The following ACYP2 variants were observed in gnomAD, a reference collection of about 807,000 sequenced individuals.
The protein encoded by ACYP2 is acylphosphatase-2.
Under a neutral mutation model 11.2 loss-of-function variants are expected in ACYP2, and 12 were observed. The observed-to-expected ratio is 1.08, with a 90% CI of 0.69 to 1.74. The LOEUF is 1.74. Among genes scored for constraint, ACYP2 ranks in the 40% most tolerant of loss-of-function variants. The pLI, the probability that ACYP2 is intolerant of heterozygous loss-of-function variation, is 0.00. For missense variants in ACYP2, 134 were observed against 101.9 expected (o/e 1.31, Z -1.35); for synonymous variants, 43 against 32.2 (o/e 1.33, Z -1.13).
chr2:53,980,488 C>T (rs1279178857), intron 2 of ACYP2, among the ~76,000 whole-genome samples: 1 of 151,946 alleles, frequency 6.6e-6, no homozygotes, highest in Non-Finnish European at 1.5e-5. Flanking sequence ...GAGGCCAAGG[C>T]AAGAGGATTG....
intron 6 of ACYP2, among the ~76,000 whole-genome samples, chr2:54,272,857 T>TAGAATA (rs1380745405): frequency 2.6e-5 from 4 of 152,256 alleles, no homozygotes; most frequent in African/African-American, 9.6e-5. Flanking sequence ...CTTTCAATGA[T>TAGAATA]AGAATACAAA....
intron 6 of ACYP2, among the ~76,000 whole-genome samples, chr2:54,169,640 C>T (rs538312388): frequency 1.3e-5 from 2 of 152,132 alleles, no homozygotes; most frequent in Non-Finnish European, 2.9e-5. Context: ...CTCTAGACAA[C>T]ATTTTTGACA....
chr2:54,125,609 A>T (rs556621850), intron 4 of ACYP2, among the ~76,000 whole-genome samples: 2 of 151,714 alleles, frequency 1.3e-5, no homozygotes, highest in East Asian at 1.9e-4. Flanking sequence ...ACTTAGCTGG[A>T]GATGGTGGCA....
At chr2:54,167,526 T>C (rs1300976381) in intron 6 of ACYP2, among the ~76,000 whole-genome samples, 5 of 152,250 alleles carry the variant, frequency 3.3e-5, no homozygotes, top group South Asian at 2.1e-4. Context: ...ACAAATGTTA[T>C]ATAGATACAG....
intron 6 of ACYP2, among the ~76,000 whole-genome samples, chr2:54,267,102 G>A (rs1688068014): frequency 6.6e-6 from 1 of 152,154 alleles, no homozygotes; most frequent in African/African-American, 2.4e-5. Context: ...GGAGTTGAGT[G>A]GGGAGAGGCA....
intron 6 of ACYP2, chr2:54,253,843 C>A (rs1198682542): frequency 6.6e-6 from 1 of 152,246 alleles, no homozygotes; most frequent in Non-Finnish European, 1.5e-5. Context: ...AATAAGAGGT[C>A]TGGCAGTCTA....
At chr2:54,089,914 G>A (rs1028236818) in intron 4 of ACYP2, among the ~76,000 whole-genome samples, 25 of 152,054 alleles carry the variant, frequency 1.6e-4, no homozygotes, top group Middle Eastern at 3.2e-3. Flanking sequence ...GGGAGGCCGA[G>A]GCAGGCAGAT....
rs535655575 is a variant in ACYP2, at chr2:54,274,856, G to A, written c.405-29832G>A. ...CAGCCATGCACGGTTTCTCCAACATGGATACAAAGCAGAATGATGTAATAG... is the reference window on the plus strand; with the variant it reads ...CAGCCATGCACGGTTTCTCCAACATAGATACAAAGCAGAATGATGTAATAG... On this transcript the variant is annotated intron_variant, in intron 6 of 6. Transcript: ENST00000607452. Among the ~76,000 whole-genome samples, 52 of 152,208 alleles carry A rather than the reference G, an allele frequency of 3.4e-4. 1 individual carries two copies. The highest frequency in any genetic ancestry group is 1.1e-3 in the African/African-American group (45 of 41,550).
At chr2:54,261,005 A>C (rs1365991210) in intron 6 of ACYP2, among the ~76,000 whole-genome samples, 1 of 152,210 alleles carries the variant, frequency 6.6e-6, no homozygotes, top group Non-Finnish European at 1.5e-5. Flanking sequence ...GTATATCACC[A>C]CTACCTTTCG....
intron 2 of ACYP2, among the ~76,000 whole-genome samples, chr2:54,001,411 G>C (rs773915256): frequency 6.6e-6 from 1 of 152,044 alleles, no homozygotes; most frequent in Non-Finnish European, 1.5e-5. Flanking sequence ...TTTTATTTTT[G>C]AGATGGAGTT....
chr2:54,234,159 G>T (rs542434685), intron 6 of ACYP2, among the ~76,000 whole-genome samples: 1 of 152,194 alleles, frequency 6.6e-6, no homozygotes, highest in Non-Finnish European at 1.5e-5. Context: ...TATTGTCATG[G>T]TGGAGAAGGA....
chr2:54,123,540 C>T lies in ACYP2; in HGVS notation c.278-11913C>T, dbSNP rs1295374877. 7.3e-5 allele frequency: 29 copies of T among 396,434 alleles called. No individual in the cohort carries two copies. The East Asian group carries it at 1.0e-3, about 14-fold the overall frequency. The allele number at this position is 396,434 out of a possible 1,614,324, so 24.6% of individuals were successfully genotyped here. On this transcript the variant is annotated intron_variant, in intron 4 of 6. Coordinates refer to ENST00000607452, the MANE Select transcript of ACYP2 (RefSeq NM_001320586.2). ...TTTTTAGTATATTCACAATGTTTTG[C>T]AGCATTACCATTAATTCCAGAACAT...
chr2:54,251,074 A>T (rs189663538), intron 6 of ACYP2, among the ~76,000 whole-genome samples: 122 of 152,368 alleles, frequency 8.0e-4, no homozygotes, highest in African/African-American at 2.6e-3. Context: ...AAGATAAAAA[A>T]TGAACCATCA....
chr2:53,973,807 G>T lies in ACYP2; in HGVS notation c.59G>T (p.Arg20Met). 3.2e-6 allele frequency: 1 copy of T among 313,454 alleles called. No individual in the cohort carries two copies. Among genetic ancestry groups the T allele is most frequent in the Admixed American group, 4.9e-5 (1 of 20,284 alleles). The allele number at this position is 313,454 out of a possible 1,614,324, so 19.4% of individuals were successfully genotyped here. A position where few individuals can be genotyped will look rare whatever the true frequency, so the allele number is the denominator to read the frequency against. ...TTCCCACGGACGCGCGAGACAATGA[G>T]GAGGTACTTGGAATAAAAGGAGGGA... The change falls in exon 2 of 7, where the codon AGG (arginine) becomes ATG (methionine). Residue 20 changes from arginine to methionine, a missense_variant. Coordinates refer to ENST00000607452, the MANE Select transcript of ACYP2 (RefSeq NM_001320586.2).
intron 4 of ACYP2, among the ~76,000 whole-genome samples, chr2:54,102,900 CA>C (rs2103705014): frequency 6.6e-6 from 1 of 152,284 alleles, no homozygotes; most frequent in African/African-American, 2.4e-5. Context: ...GGGAATACCT[CA>C]TTTCTAATGG....
intron 2 of ACYP2, among the ~76,000 whole-genome samples, chr2:54,012,992 A>G (rs1471762434): frequency 6.6e-6 from 1 of 152,104 alleles, no homozygotes; most frequent in Non-Finnish European, 1.5e-5. Flanking sequence ...GAATATGCCA[A>G]GATGCTCTTA....
chr2:53,978,072 G>A lies in ACYP2; in HGVS notation c.62+4262G>A, dbSNP rs565176525. On this transcript the variant is annotated intron_variant, in intron 2 of 6. Transcript: ENST00000607452. ...AGGTCAGGAGTTCGAGATCAGCCTG[G>A]CCAACGTGAAGAAACCCCATCTCTA... is the stretch of plus-strand genomic sequence containing the variant. 1.8e-3 allele frequency among the ~76,000 whole-genome samples: 273 copies of A among 151,892 alleles called. 1 individual carries two copies. The highest frequency in any genetic ancestry group is 6.3e-3 in the African/African-American group (259 of 41,434).
rs533696670 is a variant in ACYP2, at chr2:54,021,400, T to C, written c.63-29558T>C. ...ATGAAGAACAGGGGAGCTGAACATATTGATACCATTGGTTCTTTGGAGAGG... is the reference window on the plus strand; with the variant it reads ...ATGAAGAACAGGGGAGCTGAACATACTGATACCATTGGTTCTTTGGAGAGG... On this transcript the variant is annotated intron_variant, in intron 2 of 6. Transcript: ENST00000607452. Among the ~76,000 whole-genome samples, 3 of 152,312 alleles carry C rather than the reference T, an allele frequency of 2.0e-5. No individual in the cohort carries two copies. In the East Asian group the frequency reaches 5.8e-4, roughly 29 times the overall value.
intron 6 of ACYP2, among the ~76,000 whole-genome samples, chr2:54,174,118 T>A (rs1050513525): frequency 6.6e-6 from 1 of 152,236 alleles, no homozygotes; most frequent in African/African-American, 2.4e-5. Flanking sequence ...TAAATTACCT[T>A]GGGCAGTATG....
Sources: allele counts gnomAD v4.1 joint callset (sites outside exome capture counted in the v4.1 genomes callset), GRCh38; gene constraint gnomAD v4.1.1; transcripts MANE v1.5; gene names NCBI Gene and HGNC (gene_info 2026-07-23, HGNC 2026-07-21).